CRYZL1: variants seen among roughly 807,000 people sequenced by gnomAD.
The protein encoded by CRYZL1 is ferry endosomal RAB5 effector complex subunit 4.
CRYZL1 carries 34 observed loss-of-function variants against 50.6 expected under a neutral mutation model. The ratio of observed to expected loss-of-function variants is 0.67; its 90% CI spans 0.51 to 0.89. The LOEUF (loss-of-function observed/expected upper bound fraction) is 0.89. Among genes scored for constraint, CRYZL1 ranks in the 40% least tolerant of loss-of-function variants. CRYZL1 has a pLI of 0.00. For missense variants in CRYZL1, 354 were observed against 402.3 expected, an observed-to-expected ratio of 0.88 and a Z score of 1.03; for synonymous variants, 125 against 134.3, an observed-to-expected ratio of 0.93 and a Z score of 0.48.
chr21:33,607,154 C>T (rs1317589357), intron 6 of CRYZL1, among the ~76,000 whole-genome samples: 1 of 152,124 alleles, frequency 6.6e-6, no homozygotes, highest in African/African-American at 2.4e-5. Flanking sequence ...TAGTTTTAGG[C>T]TTGACAGAAT....
chr21:33,607,067 A>G (rs1249427351), intron 6 of CRYZL1, among the ~76,000 whole-genome samples: 1 of 152,212 alleles, frequency 6.6e-6, no homozygotes, highest in Non-Finnish European at 1.5e-5. Context: ...TCTAAGAATT[A>G]TAATTTGATC....
At chr21:33,591,131 CAA>C (rs1290822237) in intron 12 of CRYZL1, 29 bp downstream of exon 12, 16 of 1,558,146 alleles carry the variant, frequency 1.0e-5, no homozygotes, top group Non-Finnish European at 1.3e-5. Flanking sequence ...GAAAAACAAA[CAA>C]GAACAATGAT....
intron 6 of CRYZL1, among the ~76,000 whole-genome samples, chr21:33,609,843 CA>C (rs2086851291): frequency 6.6e-6 from 1 of 151,882 alleles, no homozygotes; most frequent in South Asian, 2.1e-4. Context: ...GCTGGGACTA[CA>C]GGCACCTGCC....
chr21:33,593,168 A>G (rs1396542415), intron 11 of CRYZL1, among the ~76,000 whole-genome samples: 2 of 151,964 alleles, frequency 1.3e-5, no homozygotes, highest in African/African-American at 2.4e-5. Context: ...GTGCAGTGGC[A>G]CGACCTCGGC....
chr21:33,635,589 T>C (rs1406489954), intron 1 of CRYZL1, among the ~76,000 whole-genome samples: 5 of 151,662 alleles, frequency 3.3e-5, no homozygotes, highest in Non-Finnish European at 5.9e-5. Context: ...CTCCTGACCT[T>C]GTGATCCGCC....
intron 6 of CRYZL1, among the ~76,000 whole-genome samples, chr21:33,605,672 C>A: frequency 6.6e-6 from 1 of 151,416 alleles, no homozygotes; most frequent in Non-Finnish European, 1.5e-5. Context: ...CAGGTGCACA[C>A]CACCAGGCCT....
At chr21:33,590,451 T>G (rs531225773) in intron 12 of CRYZL1, among the ~76,000 whole-genome samples, 2 of 14,228 alleles carry the variant, frequency 1.4e-4, no homozygotes, top group South Asian at 3.7e-3. Context: ...GAGTTTCTCT[T>G]GTTGCCCAGG....
chr21:33,592,637 C>T (rs193030364), intron 11 of CRYZL1, among the ~76,000 whole-genome samples: 226 of 152,228 alleles, frequency 1.5e-3, no homozygotes, highest in Middle Eastern at 3.4e-3. Context: ...ATTTATGGCC[C>T]AGAATGACAC....
Position 33,615,631 on chromosome 21 carries a change from CA to C in CRYZL1, c.262+1074del, listed in dbSNP as rs2086921716. The stretch of plus-strand genomic sequence containing the variant: ...CCTATGTTTGTGTGACTGTCTAGGA[CA>C]CAGGTTGCAAAATTGCAAAAATACT... On this transcript the variant is annotated intron_variant, in intron 5 of 12. Transcript: ENST00000381554. Among the ~76,000 whole-genome samples, 5 of 151,896 alleles carry C rather than the reference CA, an allele frequency of 3.3e-5. No homozygotes were observed. In the South Asian group the frequency reaches 1.0e-3, roughly 32 times the overall value.
rs767679950 is a variant in CRYZL1, at chr21:33,622,039, A to G, written c.174T>C (p.Asp58=). Residue 58 remains aspartate, a synonymous_variant, in exon 4 of 13, where the codon GAT becomes GAC. Coordinates refer to ENST00000381554, the MANE Select transcript of CRYZL1 (RefSeq NM_145858.3). The part of the protein sequence containing the change: ...KLLAEMKMKK[D]LFPVGREIAG... ...CAATTTCTCTCCCAACAGGAAATAA[A>G]TCCTTTTTCATCTTCATTTCTGCCA... is the stretch of plus-strand genomic sequence containing the variant. 2 of 1,612,954 alleles carry G rather than the reference A, an allele frequency of 1.2e-6. No homozygotes were observed. The highest frequency in any genetic ancestry group is 4.5e-5 in the East Asian group (2 of 44,770).
rs375789567 is a variant in CRYZL1, at chr21:33,622,075, C to T, written c.145-7G>A. 2 of 1,610,378 alleles carry T rather than the reference C, an allele frequency of 1.2e-6. No individual in the cohort carries two copies. Among genetic ancestry groups the T allele is most frequent in the Non-Finnish European group, 1.7e-6 (2 of 1,177,294 alleles). Reference sequence around the variant, plus strand: ...TCTTCATTTCTGCCAGAAGCTAAATCATGACAAAGGCAGTTAACATACTAT... The same window carrying T: ...TCTTCATTTCTGCCAGAAGCTAAATTATGACAAAGGCAGTTAACATACTAT... On this transcript the variant is annotated splice_polypyrimidine_tract_variant and splice_region_variant and intron_variant, in intron 3 of 12. Transcript: ENST00000381554.
chr21:33,603,988 C>G (rs561279345), intron 6 of CRYZL1, among the ~76,000 whole-genome samples: 70 of 149,888 alleles, frequency 4.7e-4, no homozygotes, highest in Admixed American at 1.3e-3. Context: ...CGTGGTGGCT[C>G]ACGCCTGTAA....
intron 5 of CRYZL1, among the ~76,000 whole-genome samples, chr21:33,614,569 A>G (rs2086907420): frequency 6.6e-6 from 1 of 152,054 alleles, no homozygotes; most frequent in African/African-American, 2.4e-5. Context: ...ATACCTCAGT[A>G]TGTTTCAATT....
At chr21:33,629,834 C>A (rs2087117024) in intron 2 of CRYZL1, among the ~76,000 whole-genome samples, 1 of 152,148 alleles carries the variant, frequency 6.6e-6, no homozygotes, top group South Asian at 2.1e-4. Context: ...AAGCTTCCAA[C>A]TTTTTCCTGT....
At chr21:33,617,024 A>AT (rs879543300) in intron 4 of CRYZL1, 2,002 of 198,922 alleles carry the variant, frequency 0.01, 18 homozygotes, top group African/African-American at 0.025. Context: ...GACTTTATTC[A>AT]TTTTTTTTTT....
At chr21:33,632,629 CG>C (rs1011940893) in intron 1 of CRYZL1, among the ~76,000 whole-genome samples, 14 of 152,230 alleles carry the variant, frequency 9.2e-5, no homozygotes, top group African/African-American at 3.4e-4. Flanking sequence ...CCACCCGCCT[CG>C]GCCTCCCAAA....
chr21:33,601,733 A>G (rs2086758382), intron 8 of CRYZL1, among the ~76,000 whole-genome samples: 1 of 152,162 alleles, frequency 6.6e-6, no homozygotes, highest in Non-Finnish European at 1.5e-5. Flanking sequence ...CCTAGGCAAC[A>G]TGGCTAAACC....
At chr21:33,640,888 A>G (rs1023479504) in intron 1 of CRYZL1, among the ~76,000 whole-genome samples, 1 of 152,250 alleles carries the variant, frequency 6.6e-6, no homozygotes, top group Admixed American at 6.5e-5. Flanking sequence ...TACGAAGAAA[A>G]GAACGTAAAA....
chr21:33,597,847 C>A (rs2086711605), intron 9 of CRYZL1, among the ~76,000 whole-genome samples: 1 of 152,174 alleles, frequency 6.6e-6, no homozygotes. Flanking sequence ...ATCTCCTGAC[C>A]TCGTGATCCG....
Sources: allele counts gnomAD v4.1 joint callset (sites outside exome capture counted in the v4.1 genomes callset), GRCh38; gene constraint gnomAD v4.1.1; transcripts MANE v1.5; gene names NCBI Gene and HGNC (gene_info 2026-07-23, HGNC 2026-07-21).